The following FARS2 variants were observed in gnomAD, a reference collection of about 807,000 sequenced individuals.
FARS2 encodes the protein phenylalanine--tRNA ligase, mitochondrial.
A neutral mutation model predicts 46.4 loss-of-function variants in FARS2; 40 were observed. That is an observed-to-expected ratio of 0.86 (90% CI 0.67 to 1.12). The LOEUF (loss-of-function observed/expected upper bound fraction) is 1.12, where lower values mean the gene tolerates loss of function less well. Ranked by LOEUF, FARS2 falls within the 50% of genes most tolerant of loss-of-function variation. The pLI, the probability that FARS2 is intolerant of heterozygous loss-of-function variation, is 0.00. For missense variants in FARS2, 513 were observed against 567.9 expected, an observed-to-expected ratio of 0.90 and a Z score of 0.98; for synonymous variants, 234 against 214.9, an observed-to-expected ratio of 1.09 and a Z score of -0.78.
chr6:5,664,405 C>G (rs1021789144), intron 6 of FARS2, among the ~76,000 whole-genome samples: 1 of 152,176 alleles, frequency 6.6e-6, no homozygotes. Context: ...ACCCTGGGAG[C>G]TGGCTTCCAG....
chr6:5,597,585 G>A (rs979224505), intron 5 of FARS2, among the ~76,000 whole-genome samples: 3 of 152,316 alleles, frequency 2.0e-5, no homozygotes, highest in Admixed American at 6.5e-5. Flanking sequence ...CAAACTCACA[G>A]CACTCTGCTA....
chr6:5,621,028 C>T (rs2150695274), intron 6 of FARS2, among the ~76,000 whole-genome samples: 1 of 152,308 alleles, frequency 6.6e-6, no homozygotes, highest in South Asian at 2.1e-4. Context: ...AATACATTTG[C>T]CAATTGATTC....
intron 4 of FARS2, among the ~76,000 whole-genome samples, chr6:5,506,123 A>G (rs139375275): frequency 1.3e-5 from 2 of 152,254 alleles, no homozygotes; most frequent in Admixed American, 6.5e-5. Context: ...GGGTCTGCAT[A>G]ACAAGCATAG....
intron 6 of FARS2, among the ~76,000 whole-genome samples, chr6:5,683,786 A>G (rs1229322176): frequency 6.6e-6 from 1 of 151,940 alleles, no homozygotes; most frequent in Non-Finnish European, 1.5e-5. Context: ...CTACCTCTCG[A>G]CAGGCCCCGG....
chr6:5,371,545 T>A (rs552786823), intron 2 of FARS2, among the ~76,000 whole-genome samples: 19 of 152,274 alleles, frequency 1.2e-4, no homozygotes, highest in African/African-American at 4.6e-4. Flanking sequence ...AAAAATCTTT[T>A]GTATTTTGAA....
chr6:5,623,685 C>T (rs1775886778), intron 6 of FARS2, among the ~76,000 whole-genome samples: 1 of 151,124 alleles, frequency 6.6e-6, no homozygotes, highest in South Asian at 2.1e-4. Context: ...ACACTCCAGC[C>T]TGGGTGACAG....
At chr6:5,431,590 G>A (rs1243588479) in intron 4 of FARS2, 1 of 513,762 alleles carries the variant, frequency 1.9e-6, no homozygotes, top group African/African-American at 1.9e-5. Context: ...AATTCAGCAA[G>A]TATTTTATAA....
chr6:5,510,175 AT>A (rs977050857), intron 4 of FARS2, among the ~76,000 whole-genome samples: 2 of 152,048 alleles, frequency 1.3e-5, no homozygotes, highest in Non-Finnish European at 2.9e-5. Flanking sequence ...TTAAACAAAG[AT>A]TTTGCCTCAT....
intron 3 of FARS2, among the ~76,000 whole-genome samples, chr6:5,418,454 C>T (rs1762363707): frequency 6.6e-6 from 1 of 152,182 alleles, no homozygotes; most frequent in Non-Finnish European, 1.5e-5. Flanking sequence ...CTATGCGAGA[C>T]CTGTCTTAGC....
intron 6 of FARS2, among the ~76,000 whole-genome samples, chr6:5,625,014 G>C (rs1037945407): frequency 1.3e-5 from 2 of 152,142 alleles, no homozygotes; most frequent in Non-Finnish European, 2.9e-5. Flanking sequence ...TGTCTCCTGA[G>C]TTCTTCCCAT....
intron 4 of FARS2, among the ~76,000 whole-genome samples, chr6:5,459,974 C>T (rs1765148794): frequency 1.3e-5 from 2 of 152,220 alleles, no homozygotes; most frequent in South Asian, 2.1e-4. Flanking sequence ...GTCTTCCCTA[C>T]CCTAACACCA....
At chr6:5,615,236 A>G (rs979851586) in intron 6 of FARS2, among the ~76,000 whole-genome samples, 2 of 152,186 alleles carry the variant, frequency 1.3e-5, no homozygotes, top group Non-Finnish European at 2.9e-5. Context: ...GGATCCAGTT[A>G]TGCATAAGTA....
intron 1 of FARS2, among the ~76,000 whole-genome samples, chr6:5,352,439 A>T: frequency 6.6e-6 from 1 of 151,932 alleles, no homozygotes; most frequent in East Asian, 1.9e-4. Flanking sequence ...TCACTATGTC[A>T]GTGCCTCATG....
chr6:5,479,300 G>T (rs2150338572), intron 4 of FARS2, among the ~76,000 whole-genome samples: 1 of 152,320 alleles, frequency 6.6e-6, no homozygotes, highest in Admixed American at 6.5e-5. Context: ...GGCATTGTTA[G>T]ATTCTACTCA....
Position 5,454,623 on chromosome 6 carries a change from C to T in FARS2, c.904+23451C>T, listed in dbSNP as rs139740150. Among the ~76,000 whole-genome samples, 64 of 152,256 alleles carry T rather than the reference C, an allele frequency of 4.2e-4. 1 individual carries two copies. Among genetic ancestry groups the T allele is most frequent in the African/African-American group, 1.4e-3 (60 of 41,540 alleles). ...CCTCTCAAAGTGCTGGGATTGCAGG[C>T]GTGAGCCACTGAGCCTGGCCTTGTT... On this transcript the variant is annotated intron_variant, in intron 4 of 6. Coordinates refer to ENST00000274680, the MANE Select transcript of FARS2 (RefSeq NM_006567.5).
chr6:5,547,499 C>T (rs888924398), intron 5 of FARS2, among the ~76,000 whole-genome samples: 1 of 151,842 alleles, frequency 6.6e-6, no homozygotes, highest in African/African-American at 2.4e-5. Context: ...TCTTTTTGTT[C>T]TAATCAGGAG....
intron 5 of FARS2, among the ~76,000 whole-genome samples, chr6:5,594,476 A>G (rs1774088921): frequency 6.6e-6 from 1 of 152,202 alleles, no homozygotes; most frequent in Non-Finnish European, 1.5e-5. Context: ...AGGAGACAGA[A>G]ACCATGCCAT....
In FARS2 at chr6:5,352,943, A is replaced by G. The variant is rs1020662713; in HGVS notation, c.-21-15607A>G. Among the ~76,000 whole-genome samples, 3 of 152,094 alleles carry G rather than the reference A, an allele frequency of 2.0e-5. No individual in the cohort carries two copies. The East Asian group carries it at 5.8e-4, about 29-fold the overall frequency. On this transcript the variant is annotated intron_variant, in intron 1 of 6. Coordinates refer to ENST00000274680, the MANE Select transcript of FARS2 (RefSeq NM_006567.5). ...AAACCTTCAAAATCCCTTCTTCTAG[A>G]TATTTTGAAATTATATCATACAATA...
intron 6 of FARS2, among the ~76,000 whole-genome samples, chr6:5,652,263 G>T (rs1176405407): frequency 6.6e-6 from 1 of 152,212 alleles, no homozygotes; most frequent in Admixed American, 6.5e-5. Context: ...TAGAAGAGTT[G>T]AAAACAGGTC....
Sources: gnomAD v4.1 joint callset for allele counts (sites outside exome capture counted in the v4.1 genomes callset) on GRCh38, gnomAD v4.1.1 for gene constraint, MANE v1.5 for transcripts, NCBI Gene and HGNC (gene_info 2026-07-23, HGNC 2026-07-21) for gene names.